GPD2: variants seen among roughly 807,000 people sequenced by gnomAD.
GPD2 encodes the protein glycerol-3-phosphate dehydrogenase, mitochondrial.
In GPD2, 54 loss-of-function variants were observed where a neutral mutation model predicts 82.4. That is an observed-to-expected ratio of 0.66 (90% CI 0.53 to 0.82). The LOEUF (loss-of-function observed/expected upper bound fraction) is 0.82, where lower values mean the gene tolerates loss of function less well. Ranked by LOEUF, GPD2 falls within the 40% of genes least tolerant of loss-of-function variation. The pLI is 0.00. For synonymous variants in GPD2, 288 were observed against 306.1 expected (o/e 0.94, Z 0.62); for missense variants, 748 against 896.2 (o/e 0.83, Z 2.11).
chr2:156,506,909 T>C (rs1338211255), intron 3 of GPD2, among the ~76,000 whole-genome samples: 1 of 152,228 alleles, frequency 6.6e-6, no homozygotes, highest in Non-Finnish European at 1.5e-5. Context: ...ATTCCTTTTT[T>C]ATAATAATAA....
At chr2:156,572,190 G>C (rs1334450524) in intron 13 of GPD2, among the ~76,000 whole-genome samples, 2 of 151,974 alleles carry the variant, frequency 1.3e-5, no homozygotes, top group Non-Finnish European at 2.9e-5. Flanking sequence ...ACTTTTCCAT[G>C]TCATAAATAG....
intron 6 of GPD2, among the ~76,000 whole-genome samples, chr2:156,545,220 A>G (rs1686485442): frequency 6.6e-6 from 1 of 152,154 alleles, no homozygotes; most frequent in Non-Finnish European, 1.5e-5. Context: ...CATTTTGAAT[A>G]TAGTGGTTAT....
chr2:156,415,132 AT>A, the GPD2 span, among the ~76,000 whole-genome samples: 1 of 146,594 alleles, frequency 6.8e-6, no homozygotes, highest in Non-Finnish European at 1.5e-5. Flanking sequence ...TTTCCCCCAA[AT>A]CCCCCAAGTC....
intron 1 of GPD2, among the ~76,000 whole-genome samples, chr2:156,439,103 A>C (rs1055362076): frequency 1.3e-5 from 2 of 152,232 alleles, no homozygotes; most frequent in Non-Finnish European, 1.5e-5. Context: ...GAAAAAGCCA[A>C]CATAATCTTG....
intron 6 of GPD2, among the ~76,000 whole-genome samples, chr2:156,548,399 C>T (rs1686629503): frequency 6.6e-6 from 1 of 152,064 alleles, no homozygotes; most frequent in African/African-American, 2.4e-5. Flanking sequence ...CCTTATTTTG[C>T]ATGTTGAGGT....
chr2:156,507,901 G>A (rs1404955417), intron 3 of GPD2, among the ~76,000 whole-genome samples: 2 of 152,008 alleles, frequency 1.3e-5, no homozygotes, highest in East Asian at 3.9e-4. Context: ...TCTTAAGCTG[G>A]GCTTTGTCGA....
intron 6 of GPD2, among the ~76,000 whole-genome samples, chr2:156,533,627 T>C (rs961540731): frequency 3.3e-5 from 5 of 152,212 alleles, no homozygotes; most frequent in Non-Finnish European, 7.3e-5. Flanking sequence ...TGTGTGATTA[T>C]TGGGAAGAAG....
chr2:156,514,148 T>C (rs1443706908), intron 6 of GPD2, among the ~76,000 whole-genome samples: 1 of 151,262 alleles, frequency 6.6e-6, no homozygotes, highest in Non-Finnish European at 1.5e-5. Flanking sequence ...TTTTTTTGCA[T>C]GTATGCAATA....
At chr2:156,414,723 T>C in the GPD2 span, among the ~76,000 whole-genome samples, 1 of 152,176 alleles carries the variant, frequency 6.6e-6, no homozygotes, top group Non-Finnish European at 1.5e-5. Context: ...TTTTCAAATG[T>C]TATTGGGACT....
upstream of GPD2, chr2:156,435,879 T>A (rs1163823793): frequency 6.6e-6 from 1 of 152,286 alleles, no homozygotes; most frequent in Non-Finnish European, 1.5e-5. Context: ...GCGGCCCGCA[T>A]GGGCGAGGGC....
At chr2:156,464,025 A>G (rs78064423) in intron 1 of GPD2, among the ~76,000 whole-genome samples, 21 of 152,366 alleles carry the variant, frequency 1.4e-4, no homozygotes, top group Non-Finnish European at 2.4e-4. Flanking sequence ...GCGTTATTCA[A>G]CTGAGGAGAG....
rs1384439880 is a variant in GPD2 at position 156,550,686 on chromosome 2, A to G, written c.911A>G (p.Asp304Gly). 1.3e-5 allele frequency: 21 copies of G among 1,613,702 alleles called. No homozygotes were observed. Among genetic ancestry groups the G allele is most frequent in the Non-Finnish European group, 1.7e-5 (20 of 1,179,726 alleles). Residue 304 changes from aspartate to glycine, a missense_variant, in exon 8 of 17, where the codon GAC (aspartate) becomes GGC (glycine). By Grantham distance (94) the Asp-to-Gly change is moderately conservative. Coordinates refer to ENST00000438166, the MANE Select transcript of GPD2 (RefSeq NM_000408.5). The stretch of plus-strand genomic sequence containing the variant: ...TCTGTGCGCAAAATGGATGATAAAG[A>G]CGCAGCAGCTATCTGCCAGCCAAGT... Reference protein sequence around the residue: ...TDSVRKMDDKDAAAICQPSAG... With the variant: ...TDSVRKMDDKGAAAICQPSAG...
intron 6 of GPD2, among the ~76,000 whole-genome samples, chr2:156,546,781 G>A (rs993255136): frequency 4.6e-5 from 7 of 152,080 alleles, no homozygotes; most frequent in Admixed American, 1.3e-4. Context: ...TAAATATAGG[G>A]CCTAGTTTGG....
At chr2:156,478,154 A>T (rs1293169643) in intron 2 of GPD2, among the ~76,000 whole-genome samples, 4 of 151,998 alleles carry the variant, frequency 2.6e-5, no homozygotes, top group African/African-American at 4.8e-5. Context: ...AACAGAAGAG[A>T]CTCTGGCCCC....
At chr2:156,451,379 G>A (rs1270780166) in intron 1 of GPD2, among the ~76,000 whole-genome samples, 1 of 146,768 alleles carries the variant, frequency 6.8e-6, no homozygotes, top group Non-Finnish European at 1.5e-5. Flanking sequence ...GGGCAGAGGC[G>A]CCCCTCACCT....
At chr2:156,542,585 A>T (rs1686362075) in intron 6 of GPD2, among the ~76,000 whole-genome samples, 1 of 152,188 alleles carries the variant, frequency 6.6e-6, no homozygotes, top group Admixed American at 6.5e-5. Flanking sequence ...ATTTTAAAGT[A>T]TAAATGAAAG....
chr2:156,532,213 C>A (rs1178812293), intron 6 of GPD2, among the ~76,000 whole-genome samples: 1 of 152,132 alleles, frequency 6.6e-6, no homozygotes, highest in African/African-American at 2.4e-5. Flanking sequence ...TGCTTTGTTG[C>A]CCAGGCTGGT....
At chr2:156,438,514 G>A (rs1330137555) in intron 1 of GPD2, among the ~76,000 whole-genome samples, 4 of 152,200 alleles carry the variant, frequency 2.6e-5, no homozygotes, top group Non-Finnish European at 4.4e-5. Flanking sequence ...ATGGGGAGAG[G>A]AGAGGCGAGT....
At chr2:156,512,733 C>G (rs1161204223) in intron 5 of GPD2, among the ~76,000 whole-genome samples, 18 of 151,976 alleles carry the variant, frequency 1.2e-4, no homozygotes, top group Non-Finnish European at 2.9e-5. Flanking sequence ...TGTTACGTGT[C>G]TGAGTTAACC....
Sources: allele counts gnomAD v4.1 joint callset (sites outside exome capture counted in the v4.1 genomes callset), GRCh38; gene constraint gnomAD v4.1.1; transcripts MANE v1.5; gene names NCBI Gene and HGNC (gene_info 2026-07-23, HGNC 2026-07-21).